The following PRMT8 variants were observed in gnomAD, a reference collection of about 807,000 sequenced individuals.
The protein encoded by PRMT8 is protein arginine methyltransferase 8.
PRMT8 carries 7 observed loss-of-function variants against 47.1 expected under a neutral mutation model. The ratio of observed to expected loss-of-function variants is 0.15; its 90% CI spans 0.08 to 0.28. The LOEUF (loss-of-function observed/expected upper bound fraction) is 0.28. Among genes scored for constraint, PRMT8 ranks in the 10% least tolerant of loss-of-function variants. The pLI, the probability that PRMT8 is intolerant of heterozygous loss-of-function variation, is 1.00. For missense variants in PRMT8, 237 were observed against 505.4 expected, an observed-to-expected ratio of 0.47 and a Z score of 5.09; for synonymous variants, 188 against 186.5, an observed-to-expected ratio of 1.01 and a Z score of -0.07.
Position 3,435,502 on chromosome 12 carries a change from T to G in PRMT8, c.48+54060T>G, listed in dbSNP as rs558873918. Among the ~76,000 whole-genome samples, 107 of 97,884 alleles carry G rather than the reference T, an allele frequency of 1.1e-3. 1 individual carries two copies. Among genetic ancestry groups the G allele is most frequent in the African/African-American group, 6.6e-3 (101 of 15,314 alleles). 64.2% of individuals were successfully genotyped at this position (97,884 alleles called of 152,430 possible). On this transcript the variant is annotated intron_variant, in intron 1 of 9. Transcript: ENST00000452611. ...TGGCTGTAGAAATGACAACGTCATG[T>G]TTTTTTTTTTCTTCTTTTTTTTTCT...
rs940897096 is a variant in PRMT8 at position 3,564,543 on chromosome 12, A to G, written c.482-4163A>G. Among the ~76,000 whole-genome samples, 1 of 152,228 alleles carries G rather than the reference A, an allele frequency of 6.6e-6. No individual in the cohort carries two copies. Among genetic ancestry groups the G allele is most frequent in the Non-Finnish European group, 1.5e-5 (1 of 68,040 alleles). ...TGAAGCTACAGGAGAAGTTTTCCCA[A>G]TTTAGAGTCTATTGCTCCCTGCTGT... On this transcript the variant is annotated intron_variant, in intron 4 of 9. Transcript: ENST00000382622. The surrounding 1 kb of genome is among the most constrained non-coding windows in gnomAD (Gnocchi z 4.0).
rs573361020 is a variant in PRMT8 at position 3,431,531 on chromosome 12, T to C, written c.48+50089T>C. ...CAAGTGTGAGACCTGGGGACATGCA[T>C]GTTTCAGAGTTGGTGGAGGGGAGGG... is the stretch of plus-strand genomic sequence containing the variant. On this transcript the variant is annotated intron_variant, in intron 1 of 9. Coordinates refer to the PRMT8 transcript ENST00000452611. Among the ~76,000 whole-genome samples, 6 of 151,906 alleles carry C rather than the reference T, an allele frequency of 3.9e-5. No homozygotes were observed. The East Asian group carries it at 1.2e-3, about 30-fold the overall frequency.
At chr12:3,412,237 G>T (rs1455080957) in intron 1 of PRMT8, among the ~76,000 whole-genome samples, 1 of 152,076 alleles carries the variant, frequency 6.6e-6, no homozygotes, top group African/African-American at 2.4e-5. Flanking sequence ...ACATCAAAAA[G>T]GTACAGTGAA....
chr12:3,509,063 A>G (rs746863283), intron 1 of PRMT8, among the ~76,000 whole-genome samples: 1 of 152,114 alleles, frequency 6.6e-6, no homozygotes, highest in Non-Finnish European at 1.5e-5. Flanking sequence ...GTGATCTTTT[A>G]GATGTTGTCT....
chr12:3,534,943 A>G (rs1165688691), intron 1 of PRMT8, among the ~76,000 whole-genome samples: 1 of 152,226 alleles, frequency 6.6e-6, no homozygotes, highest in East Asian at 1.9e-4. Flanking sequence ...CCTCATCTGT[A>G]AATGTCAGTT....
At chr12:3,437,387 C>T (rs1864755197) in intron 1 of PRMT8, among the ~76,000 whole-genome samples, 2 of 151,612 alleles carry the variant, frequency 1.3e-5, no homozygotes, top group Non-Finnish European at 2.9e-5. Flanking sequence ...TTATTTTAGG[C>T]TCAGGGGTAC....
At chr12:3,463,860 C>T (rs1002508812) in intron 1 of PRMT8, among the ~76,000 whole-genome samples, 9 of 152,196 alleles carry the variant, frequency 5.9e-5, no homozygotes, top group African/African-American at 2.2e-4. Context: ...TCCCTATACT[C>T]CTGGGAGGGT....
At chr12:3,461,111 C>T (rs558526916) in intron 1 of PRMT8, among the ~76,000 whole-genome samples, 1 of 152,254 alleles carries the variant, frequency 6.6e-6, no homozygotes, top group Admixed American at 6.5e-5. Flanking sequence ...ATCCAACAAG[C>T]ATTTCTTAGA....
At chr12:3,440,912 A>G (rs191387088) in intron 1 of PRMT8, among the ~76,000 whole-genome samples, 1 of 152,098 alleles carries the variant, frequency 6.6e-6, no homozygotes, top group East Asian at 1.9e-4. Context: ...CTTGCCTTAA[A>G]CCCCCCAATT....
chr12:3,530,684 G>T (rs1161760553), intron 1 of PRMT8, among the ~76,000 whole-genome samples: 2 of 152,176 alleles, frequency 1.3e-5, no homozygotes, highest in African/African-American at 4.8e-5. Flanking sequence ...AGGGGCCAGG[G>T]CCAAGCAGCC....
At chr12:3,390,407 G>A (rs1222645397) in intron 1 of PRMT8, among the ~76,000 whole-genome samples, 2 of 152,234 alleles carry the variant, frequency 1.3e-5, no homozygotes, top group African/African-American at 4.8e-5. Flanking sequence ...GTGAACTGAT[G>A]TAATGACTTC....
Position 3,590,599 on chromosome 12 carries a change from A to G in PRMT8, c.980-1632A>G, listed in dbSNP as rs189910226. On this transcript the variant is annotated intron_variant, in intron 8 of 9. Coordinates refer to ENST00000382622, the MANE Select transcript of PRMT8 (RefSeq NM_019854.5). ...GAAGTGTTTTGAAGACCCTTATCTT[A>G]TCCCCAAGTCTTCTCATCTTTATCC... Among the ~76,000 whole-genome samples, 7 of 151,418 alleles carry G rather than the reference A, an allele frequency of 4.6e-5. No individual in the cohort carries two copies. In the East Asian group the frequency reaches 7.8e-4, roughly 17 times the overall value.
At chr12:3,489,834 C>CGT (rs1565420473), upstream of PRMT8, among the ~76,000 whole-genome samples, 1 of 107,532 alleles carries the variant, frequency 9.3e-6, no homozygotes, top group Non-Finnish European at 2.0e-5. Context: ...CACACACACA[C>CGT]GCGCGCACAC....
chr12:3,391,786 C>T (rs1864195371), intron 1 of PRMT8, among the ~76,000 whole-genome samples: 1 of 152,154 alleles, frequency 6.6e-6, no homozygotes, highest in Non-Finnish European at 1.5e-5. Context: ...TGTTTCAATA[C>T]ATGGCCATCA....
At chr12:3,473,230 A>G (rs1865178197) in intron 1 of PRMT8, among the ~76,000 whole-genome samples, 1 of 152,040 alleles carries the variant, frequency 6.6e-6, no homozygotes, top group East Asian at 1.9e-4. Flanking sequence ...CCTCTCCCCA[A>G]GAACATTCCA....
chr12:3,445,586 C>T (rs76589511), intron 1 of PRMT8, among the ~76,000 whole-genome samples: 2,980 of 152,254 alleles, frequency 0.02, 112 homozygotes, highest in African/African-American at 0.065. Context: ...AAATAGCTCT[C>T]GGTGTTACTC....
intron 1 of PRMT8, among the ~76,000 whole-genome samples, chr12:3,447,397 A>C (rs994891682): frequency 6.6e-6 from 1 of 151,966 alleles, no homozygotes; most frequent in Non-Finnish European, 1.5e-5. Flanking sequence ...TGTTTTCTCT[A>C]TCTGCTTTCC....
chr12:3,426,239 G>A (rs1864603566), intron 1 of PRMT8, among the ~76,000 whole-genome samples: 1 of 152,262 alleles, frequency 6.6e-6, no homozygotes, highest in African/African-American at 2.4e-5. Flanking sequence ...TGTGTGGACA[G>A]AGTATTTGAT....
At chr12:3,473,687 G>T (rs1215895827) in intron 1 of PRMT8, among the ~76,000 whole-genome samples, 2 of 151,990 alleles carry the variant, frequency 1.3e-5, no homozygotes, top group African/African-American at 4.8e-5. Flanking sequence ...CCACAACAAA[G>T]TTCCTTCTCT....
Sources: allele counts gnomAD v4.1 joint callset (sites outside exome capture counted in the v4.1 genomes callset), GRCh38; gene constraint gnomAD v4.1.1; non-coding constraint Gnocchi (gnomAD v3.1); transcripts MANE v1.5; gene names NCBI Gene and HGNC (gene_info 2026-07-23, HGNC 2026-07-21).